The following PCDHGA9 variants were observed in gnomAD, a reference collection of about 807,000 sequenced individuals.
The protein encoded by PCDHGA9 is protocadherin gamma-A9.
PCDHGA9 carries 37 observed loss-of-function variants against 62.5 expected under a neutral mutation model. The ratio of observed to expected loss-of-function variants is 0.59; its 90% CI spans 0.46 to 0.78. PCDHGA9 has a LOEUF of 0.78. Ranked by LOEUF, PCDHGA9 falls within the 30% of genes least tolerant of loss-of-function variation. The probability of loss-of-function intolerance (pLI) is 0.00; values close to 1 mark genes in which losing one functional copy is unlikely to be tolerated. For synonymous variants in PCDHGA9, 459 were observed against 484.6 expected, an observed-to-expected ratio of 0.95 and a Z score of 0.69; for missense variants, 1,138 against 1,166.2, an observed-to-expected ratio of 0.98 and a Z score of 0.35.
At chr5:141,502,030 C>T (rs1031787021) in intron 2 of PCDHGA9, among the ~76,000 whole-genome samples, 4 of 152,180 alleles carry the variant, frequency 2.6e-5, no homozygotes, top group Non-Finnish European at 4.4e-5. Flanking sequence ...CAACCCCCGC[C>T]GCTTGCCTGC....
intron 1 of PCDHGA9, among the ~76,000 whole-genome samples, chr5:141,468,738 T>C (rs965510711): frequency 3.0e-4 from 46 of 151,958 alleles, no homozygotes; most frequent in South Asian, 2.1e-3. Flanking sequence ...TGGTGGCGGG[T>C]GCCTGTAGTC....
chr5:141,445,416 T>C lies in PCDHGA9; in HGVS notation c.2424+40040T>C, dbSNP rs190826518. ...TAACAAATATTTATTAACTGTCTGC[T>C]ATATGCAAGGCACTGACCTATGGAC... On this transcript the variant is annotated intron_variant, in intron 1 of 3. Coordinates refer to ENST00000573521, the MANE Select transcript of PCDHGA9 (RefSeq NM_018921.3). 2.2e-3 allele frequency among the ~76,000 whole-genome samples: 336 copies of C among 152,342 alleles called. 1 individual carries two copies. The highest frequency in any genetic ancestry group is 0.01 in the Middle Eastern group (3 of 294).
rs753702657 is a variant in PCDHGA9 at position 141,415,195 on chromosome 5, C to G, written c.2424+9819C>G. ...CGTGGCCGTGGCCGACAGCATCCCC[C>G]AAGTCCTGGCGGACCTCGGCAGCTT... On this transcript the variant is annotated intron_variant, in intron 1 of 3. Transcript: ENST00000573521. 5 of 1,614,058 alleles carry G rather than the reference C, an allele frequency of 3.1e-6. No individual in the cohort carries two copies. The highest frequency in any genetic ancestry group is 1.1e-5 in the South Asian group (1 of 91,090).
rs2099394683 is a variant in PCDHGA9, at chr5:141,476,602, C to G, written c.2425-18205C>G. 2.5e-6 allele frequency: 4 copies of G among 1,614,208 alleles called. No individual in the cohort carries two copies. The highest frequency in any genetic ancestry group is 2.2e-5 in the East Asian group (1 of 44,862). Reference sequence around the variant, plus strand: ...TTCCGCTCGAGAGCGCGCACGATCCCGATGTGGGAAGCAACTCTTTACAAA... The same window carrying G: ...TTCCGCTCGAGAGCGCGCACGATCCGGATGTGGGAAGCAACTCTTTACAAA... On this transcript the variant is annotated intron_variant, in intron 1 of 3. Transcript: ENST00000573521. This position sits in a 1 kb window ranked among gnomAD's most constrained non-coding sequence, Gnocchi z 7.6.
At position 141,476,112 on chromosome 5, in the gene PCDHGA9, G is replaced by A. The variant is rs1201449171; in HGVS notation, c.2425-18695G>A. 2.5e-6 allele frequency: 4 copies of A among 1,590,646 alleles called. No homozygotes were observed. Among genetic ancestry groups the A allele is most frequent in the Non-Finnish European group, 2.6e-6 (3 of 1,170,830 alleles). ...CCCCGCTGAGAGGAACTGCTTTTGA[G>A]TGAGATGGTCCCAGAGGCCTGGAGG... On this transcript the variant is annotated intron_variant, in intron 1 of 3. Transcript: ENST00000573521. The surrounding 1 kb of genome is among the most constrained non-coding windows in gnomAD (Gnocchi z 7.6).
chr5:141,483,009 C>T (rs538900128), intron 1 of PCDHGA9, among the ~76,000 whole-genome samples: 4 of 151,942 alleles, frequency 2.6e-5, no homozygotes, highest in Non-Finnish European at 5.9e-5. Flanking sequence ...TGCTTGAACC[C>T]GGGAGGCAGA....
chr5:141,466,037 G>T (rs1204301031), intron 1 of PCDHGA9, among the ~76,000 whole-genome samples: 1 of 152,056 alleles, frequency 6.6e-6, no homozygotes, highest in African/African-American at 2.4e-5. Flanking sequence ...CAGGAGAACG[G>T]CATGAACCCA....
rs1247067983 is a variant in PCDHGA9, at chr5:141,511,327, C to T, written c.*154C>T. ...CCCTTGGGAAACAGAAACAAGTGCC[C>T]AGTCAGCACCTACCCCTTCCCCCCC... On this transcript the variant is annotated 3_prime_UTR_variant, in exon 4 of 4. Transcript: ENST00000573521. 28 of 1,455,454 alleles carry T rather than the reference C, an allele frequency of 1.9e-5. No individual in the cohort carries two copies. Among genetic ancestry groups the T allele is most frequent in the Admixed American group, 2.4e-5 (1 of 41,734 alleles). 90.2% of individuals were successfully genotyped at this position (1,455,454 alleles called of 1,614,324 possible). A position where few individuals can be genotyped will look rare whatever the true frequency, so the allele number is the denominator to read the frequency against.
intron 1 of PCDHGA9, chr5:141,415,794 A>G: frequency 1.5e-6 from 2 of 1,366,408 alleles, no homozygotes; most frequent in Non-Finnish European, 1.9e-6. Context: ...AAATTCACCT[A>G]GTCTCAATCA....
intron 1 of PCDHGA9, among the ~76,000 whole-genome samples, chr5:141,444,982 A>G (rs10066383): frequency 7.1e-4 from 108 of 152,272 alleles, no homozygotes; most frequent in African/African-American, 2.5e-3. Flanking sequence ...ATCCATGAAC[A>G]TGGTATATAT....
intron 1 of PCDHGA9, among the ~76,000 whole-genome samples, chr5:141,473,380 G>A (rs1363453338): frequency 6.6e-6 from 1 of 152,204 alleles, no homozygotes; most frequent in African/African-American, 2.4e-5. Context: ...CATGGTCCCT[G>A]CCCTCCTGGA....
chr5:141,417,001 ATAAT>A (rs2096073629), intron 1 of PCDHGA9: 2 of 150,812 alleles, frequency 1.3e-5, no homozygotes, highest in Non-Finnish European at 1.5e-5. Flanking sequence ...TTCATCTCAA[ATAAT>A]TCTATTATTT....
intron 1 of PCDHGA9, chr5:141,418,214 G>A: frequency 6.2e-7 from 1 of 1,614,064 alleles, no homozygotes; most frequent in Non-Finnish European, 8.5e-7. Flanking sequence ...TATTTTTCAT[G>A]TCATTGTGGT....
intron 2 of PCDHGA9, among the ~76,000 whole-genome samples, chr5:141,500,793 A>G (rs1245472175): frequency 6.6e-6 from 1 of 152,210 alleles, no homozygotes; most frequent in Non-Finnish European, 1.5e-5. Context: ...ATTTTACAGA[A>G]TAAGTCCTCA....
At chr5:141,413,248 G>C in intron 1 of PCDHGA9, 1 of 1,613,962 alleles carries the variant, frequency 6.2e-7, no homozygotes, top group Non-Finnish European at 8.5e-7. Context: ...CCTTTTCTTC[G>C]GGATTCCATG....
chr5:141,501,290 T>C lies in PCDHGA9; in HGVS notation c.2484-4103T>C, dbSNP rs796726601. Among the ~76,000 whole-genome samples, 19 of 136,248 alleles carry C rather than the reference T, an allele frequency of 1.4e-4. No individual in the cohort carries two copies. The South Asian group carries it at 2.4e-3, about 17-fold the overall frequency. 89.4% of individuals were successfully genotyped at this position (136,248 alleles called of 152,430 possible). ...GTCCAGTCTATGGGATATTCCCTTA[T>C]ACACACACACACACACACACACACA... On this transcript the variant is annotated intron_variant, in intron 2 of 3. Coordinates refer to ENST00000573521, the MANE Select transcript of PCDHGA9 (RefSeq NM_018921.3).
At chr5:141,409,883 C>G (rs530193346) in intron 1 of PCDHGA9, 2 of 1,612,988 alleles carry the variant, frequency 1.2e-6, no homozygotes, top group South Asian at 2.2e-5. Context: ...CAACGCACCG[C>G]GGGTGCTGTA....
At chr5:141,506,682 C>T (rs1333272766) in intron 3 of PCDHGA9, among the ~76,000 whole-genome samples, 4 of 152,192 alleles carry the variant, frequency 2.6e-5, no homozygotes, top group African/African-American at 9.6e-5. Context: ...ATATTATTAT[C>T]TTTGCTGACC....
At chr5:141,424,748 A>G (rs1218712198) in intron 1 of PCDHGA9, 3 of 152,034 alleles carry the variant, frequency 2.0e-5, no homozygotes, top group African/African-American at 4.8e-5. Flanking sequence ...TTCTTTCTTT[A>G]TAAGGTCATT....
Sources: allele counts gnomAD v4.1 joint callset (sites outside exome capture counted in the v4.1 genomes callset), GRCh38; gene constraint gnomAD v4.1.1; non-coding constraint Gnocchi (gnomAD v3.1); transcripts MANE v1.5; gene names NCBI Gene and HGNC (gene_info 2026-07-23, HGNC 2026-07-21).